Variants in ADGRB3 observed in about 807,000 individuals in gnomAD.
ADGRB3 encodes the protein brain-specific angiogenesis inhibitor 3.
Under a neutral mutation model 193.4 loss-of-function variants are expected in ADGRB3, and 37 were observed. The observed-to-expected ratio is 0.19, with a 90% confidence interval of 0.15 to 0.25. The LOEUF is 0.25. Among genes scored for constraint, ADGRB3 ranks in the 10% least tolerant of loss-of-function variants. The probability of loss-of-function intolerance (pLI) is 1.00; values close to 1 mark genes in which losing one functional copy is unlikely to be tolerated. For missense variants in ADGRB3, 1,637 were observed against 1,852.9 expected (o/e 0.88, Z 2.14); for synonymous variants, 690 against 644.2 (o/e 1.07, Z -1.08).
At chr6:68,948,508 TA>T (rs1767832640) in intron 6 of ADGRB3, among the ~76,000 whole-genome samples, 2 of 152,138 alleles carry the variant, frequency 1.3e-5, no homozygotes, top group African/African-American at 4.8e-5. Flanking sequence ...AAATAAAATT[TA>T]TATAACCATT....
At chr6:69,333,925 G>A (rs1458496321) in intron 24 of ADGRB3, among the ~76,000 whole-genome samples, 3 of 136,222 alleles carry the variant, frequency 2.2e-5, no homozygotes, top group Non-Finnish European at 4.6e-5. Context: ...GCGAGACTCT[G>A]TCTCAAAAAA....
At chr6:68,840,863 C>G (rs1562051732) in intron 3 of ADGRB3, among the ~76,000 whole-genome samples, 1 of 152,204 alleles carries the variant, frequency 6.6e-6, no homozygotes, top group Non-Finnish European at 1.5e-5. Flanking sequence ...AAGAAATACA[C>G]TACACCTGTA....
chr6:69,150,912 C>G (rs1474553809), intron 17 of ADGRB3, among the ~76,000 whole-genome samples: 1 of 152,220 alleles, frequency 6.6e-6, no homozygotes, highest in East Asian at 1.9e-4. Context: ...GGAGCTAGGG[C>G]CAGGAATGGG....
chr6:69,117,153 G>A lies in ADGRB3; in HGVS notation c.2480+41115G>A, dbSNP rs144374682. 3.5e-3 allele frequency among the ~76,000 whole-genome samples: 529 copies of A among 152,312 alleles called. 2 individuals carry two copies. Among genetic ancestry groups the A allele is most frequent in the Non-Finnish European group, 5.4e-3 (370 of 68,024 alleles). ...GTATATTTTTACAATCTTAAATTTA[G>A]AATAGATGTTAATGTGGATCTGGCT... On this transcript the variant is annotated intron_variant, in intron 17 of 31. Coordinates refer to ENST00000370598, the MANE Select transcript of ADGRB3 (RefSeq NM_001704.3).
At chr6:69,121,791 G>A (rs559063066) in intron 17 of ADGRB3, among the ~76,000 whole-genome samples, 1 of 151,538 alleles carries the variant, frequency 6.6e-6, no homozygotes, top group African/African-American at 2.4e-5. Context: ...GTGGCGGCCG[G>A]GCAGAGGCGC....
At chr6:69,321,603 G>A (rs1236606791) in intron 20 of ADGRB3, among the ~76,000 whole-genome samples, 2 of 151,768 alleles carry the variant, frequency 1.3e-5, no homozygotes, top group South Asian at 2.1e-4. Context: ...AGTACTGAGG[G>A]GATCTAAGGG....
intron 17 of ADGRB3, among the ~76,000 whole-genome samples, chr6:69,086,435 G>A (rs892764478): frequency 1.3e-5 from 2 of 152,120 alleles, no homozygotes; most frequent in Non-Finnish European, 2.9e-5. Context: ...TAGTAAGCTA[G>A]CAGTAGTCCG....
chr6:69,162,982 A>G (rs2150345142), intron 17 of ADGRB3, among the ~76,000 whole-genome samples: 1 of 152,174 alleles, frequency 6.6e-6, no homozygotes. Context: ...ATTCTTTGCC[A>G]CAGAAGCAGG....
chr6:69,244,360 G>C (rs1766445990), intron 20 of ADGRB3, among the ~76,000 whole-genome samples: 1 of 151,778 alleles, frequency 6.6e-6, no homozygotes, highest in South Asian at 2.1e-4. Context: ...TTTTTGTTTT[G>C]TCAGAATTGT....
Position 69,345,018 on chromosome 6 carries a change from A to C in ADGRB3, c.3459+5514A>C, listed in dbSNP as rs1234778487. On this transcript the variant is annotated intron_variant, in intron 26 of 31. Transcript: ENST00000370598. ...TGATTTTTTTTTTTTTTAGAAAGCT[A>C]TGACTGAAGCAGCAAAAGAAAAACA... 2.0e-5 allele frequency among the ~76,000 whole-genome samples: 3 copies of C among 151,530 alleles called. No individual in the cohort carries two copies. The South Asian group carries it at 6.2e-4, about 32-fold the overall frequency.
intron 3 of ADGRB3, among the ~76,000 whole-genome samples, chr6:68,779,105 C>T (rs377561397): frequency 7.9e-5 from 12 of 151,674 alleles, no homozygotes; most frequent in South Asian, 2.1e-4. Flanking sequence ...GTACATATTA[C>T]GTGTGTGTGT....
chr6:69,053,005 G>A (rs1317811998), intron 15 of ADGRB3, among the ~76,000 whole-genome samples: 3 of 152,128 alleles, frequency 2.0e-5, no homozygotes, highest in East Asian at 1.9e-4. Context: ...GGCCAACATG[G>A]TGAAACCCCG....
intron 20 of ADGRB3, among the ~76,000 whole-genome samples, chr6:69,246,135 G>A (rs915347622): frequency 2.0e-5 from 3 of 152,068 alleles, no homozygotes; most frequent in Admixed American, 6.6e-5. Context: ...ACTAGCAAAA[G>A]TTAATCTTTT....
intron 3 of ADGRB3, among the ~76,000 whole-genome samples, chr6:68,714,689 G>A (rs1380229504): frequency 1.3e-5 from 2 of 151,786 alleles, no homozygotes; most frequent in African/African-American, 4.8e-5. Flanking sequence ...TATATCTCAG[G>A]AATAACAGTG....
At chr6:69,199,473 A>G (rs1765374163) in intron 17 of ADGRB3, among the ~76,000 whole-genome samples, 1 of 152,124 alleles carries the variant, frequency 6.6e-6, no homozygotes, top group Admixed American at 6.6e-5. Context: ...TTCCTGGTGT[A>G]TGATCATTGT....
At chr6:69,112,097 T>G (rs1000981562) in intron 17 of ADGRB3, among the ~76,000 whole-genome samples, 16 of 152,268 alleles carry the variant, frequency 1.1e-4, no homozygotes, top group Admixed American at 5.9e-4. Context: ...TCAAGGAAGA[T>G]TTTTTTCTTC....
intron 23 of ADGRB3, chr6:69,331,917 A>G (rs1011602271): frequency 1.4e-5 from 14 of 985,232 alleles, no homozygotes; most frequent in Admixed American, 1.2e-4. Context: ...CTTGTCAGGA[A>G]ACTATGAAGA....
At chr6:69,355,563 A>G (rs1769320207) in intron 27 of ADGRB3, among the ~76,000 whole-genome samples, 1 of 152,208 alleles carries the variant, frequency 6.6e-6, no homozygotes, top group Non-Finnish European at 1.5e-5. Flanking sequence ...ATCAGTTTCC[A>G]GACTGAAGAT....
chr6:69,312,164 A>G (rs1768208978), intron 20 of ADGRB3, among the ~76,000 whole-genome samples: 1 of 151,706 alleles, frequency 6.6e-6, no homozygotes, highest in Admixed American at 6.6e-5. Context: ...GAGCGATGGC[A>G]CCAACTAGGA....
Sources: allele counts gnomAD v4.1 joint callset (sites outside exome capture counted in the v4.1 genomes callset), GRCh38; gene constraint gnomAD v4.1.1; transcripts MANE v1.5; gene names NCBI Gene and HGNC (gene_info 2026-07-23, HGNC 2026-07-21).